The following SDC2 variants were observed in gnomAD, a reference collection of about 807,000 sequenced individuals.
SDC2 encodes the protein syndecan 2.
A neutral mutation model predicts 22.2 loss-of-function variants in SDC2; 13 were observed. The observed-to-expected ratio is 0.59, with a 90% CI of 0.38 to 0.93. The LOEUF (loss-of-function observed/expected upper bound fraction) is 0.93. Ranked by LOEUF, SDC2 falls within the 40% of genes least tolerant of loss-of-function variation. SDC2 has a pLI of 0.00. For synonymous variants in SDC2, 94 were observed against 92.8 expected (o/e 1.01, Z -0.07); for missense variants, 235 against 246.8 (o/e 0.95, Z 0.32).
chr8:96,493,900 G>T lies in SDC2; in HGVS notation c.-372G>T. On this transcript the variant is annotated 5_prime_UTR_variant, in exon 1 of 5. Transcript: ENST00000302190. ...TGCCGTAGCTCCCTTTCAAGCCAGCGAATTTATTCCTTAAAACCAGAAACT... is the reference window on the plus strand; with the variant it reads ...TGCCGTAGCTCCCTTTCAAGCCAGCTAATTTATTCCTTAAAACCAGAAACT... 1 of 229,902 alleles carries T rather than the reference G, an allele frequency of 4.3e-6. No individual in the cohort carries two copies. Among genetic ancestry groups the T allele is most frequent in the Admixed American group, 5.9e-5 (1 of 16,910 alleles). The allele number at this position is 229,902 out of a possible 1,614,324, so 14.2% of individuals were successfully genotyped here.
At chr8:96,592,564 C>T (rs563903376) in intron 1 of SDC2, among the ~76,000 whole-genome samples, 100 of 152,156 alleles carry the variant, frequency 6.6e-4, no homozygotes, top group African/African-American at 2.4e-3. Context: ...TTACTAAAAC[C>T]ATTTTTTAAA....
chr8:96,572,594 T>TA lies in SDC2; in HGVS notation c.61-20878dup, dbSNP rs199532810. Among the ~76,000 whole-genome samples the TA allele has an allele frequency of 4.9e-3, 747 of 151,804 alleles. 5 individuals carry two copies. The highest frequency in any genetic ancestry group is 0.012 in the African/African-American group (490 of 41,478). On this transcript the variant is annotated intron_variant, in intron 1 of 4. Transcript: ENST00000302190. Reference sequence around the variant, plus strand: ...CTAGGTGCTGTGTAAGCTAATTTGTTAAAAAAAACAACAAAGGCCCCATGT... The same window carrying TA: ...CTAGGTGCTGTGTAAGCTAATTTGTTAAAAAAAAACAACAAAGGCCCCATGT...
chr8:96,590,784 A>G (rs1471222870), intron 1 of SDC2, among the ~76,000 whole-genome samples: 3 of 152,120 alleles, frequency 2.0e-5, no homozygotes, highest in Non-Finnish European at 4.4e-5. Flanking sequence ...TCAGAGTGGG[A>G]GAGAACTTTG....
chr8:96,594,138 A>G (rs978420570), intron 2 of SDC2, among the ~76,000 whole-genome samples: 10 of 152,178 alleles, frequency 6.6e-5, no homozygotes, highest in Non-Finnish European at 1.3e-4. Flanking sequence ...TCCTTAGTAT[A>G]TTATTCCTTA....
chr8:96,540,295 C>A (rs1451031417), intron 1 of SDC2, among the ~76,000 whole-genome samples: 1 of 147,586 alleles, frequency 6.8e-6, no homozygotes, highest in Non-Finnish European at 1.5e-5. Context: ...TGTTCAAGAC[C>A]AGCTTGGGCA....
chr8:96,607,891 A>G (rs957093730), intron 3 of SDC2, among the ~76,000 whole-genome samples: 8 of 152,160 alleles, frequency 5.3e-5, no homozygotes, highest in Non-Finnish European at 1.0e-4. Flanking sequence ...AAGCCCAGTC[A>G]GGCGTGAGAG....
intron 1 of SDC2, among the ~76,000 whole-genome samples, chr8:96,540,530 T>C (rs2582836): frequency 0.57 from 82,346 of 144,908 alleles, 25,263 homozygotes; most frequent in Non-Finnish European, 0.7. Flanking sequence ...AAAATCTGTA[T>C]GGTAACTTCA....
chr8:96,583,285 T>G (rs943930665), intron 1 of SDC2, among the ~76,000 whole-genome samples: 1 of 147,128 alleles, frequency 6.8e-6, no homozygotes, highest in Non-Finnish European at 1.5e-5. Context: ...ATATAATATA[T>G]ATATGTAATA....
At chr8:96,523,501 C>T (rs529749748) in intron 1 of SDC2, among the ~76,000 whole-genome samples, 2 of 152,182 alleles carry the variant, frequency 1.3e-5, no homozygotes, top group South Asian at 4.2e-4. Context: ...CTTTCATTCT[C>T]GGCATTCTGG....
chr8:96,575,285 G>T (rs543372681), intron 1 of SDC2, among the ~76,000 whole-genome samples: 2 of 146,704 alleles, frequency 1.4e-5, no homozygotes, highest in African/African-American at 5.0e-5. Flanking sequence ...CACAGGTAAC[G>T]AATGAAAAAA....
chr8:96,521,393 GGGAAAGCTC>G (rs1288629383), intron 1 of SDC2, among the ~76,000 whole-genome samples: 1 of 152,186 alleles, frequency 6.6e-6, no homozygotes, highest in Non-Finnish European at 1.5e-5. Flanking sequence ...GGTGTTAGGA[GGGAAAGCTC>G]GGATCTAGGG....
intron 1 of SDC2, among the ~76,000 whole-genome samples, chr8:96,513,517 T>G (rs564121814): frequency 2.3e-4 from 35 of 152,366 alleles, no homozygotes; most frequent in African/African-American, 8.4e-4. Context: ...ACAGATGTGT[T>G]TAGTATTCAT....
chr8:96,502,190 T>C (rs2130424039), intron 1 of SDC2, among the ~76,000 whole-genome samples: 1 of 152,310 alleles, frequency 6.6e-6, no homozygotes, highest in East Asian at 1.9e-4. Flanking sequence ...ACGTCCTACA[T>C]GGTGGCAGGC....
At chr8:96,510,369 C>G (rs761657543) in intron 1 of SDC2, among the ~76,000 whole-genome samples, 9 of 152,194 alleles carry the variant, frequency 5.9e-5, no homozygotes, top group Admixed American at 1.3e-4. Flanking sequence ...GTGCTTTAGG[C>G]TGTCTTGTGA....
chr8:96,602,516 T>G lies in SDC2; in HGVS notation c.294T>G (p.Pro98=). Residue 98 remains proline, a synonymous_variant, in exon 3 of 5, where the codon CCT becomes CCG. Transcript: ENST00000302190. ...TTTLNIQNKI[P]AQTKSPEETD... ...CGCTGAATATACAGAACAAGATACC[T>G]GCTCAGACAAAGGTGCGTTCTATTT... 1 of 1,614,120 alleles carries G rather than the reference T, an allele frequency of 6.2e-7. No individual in the cohort carries two copies. Among genetic ancestry groups the G allele is most frequent in the Non-Finnish European group, 8.5e-7 (1 of 1,179,974 alleles).
At chr8:96,537,042 G>C (rs1055279685) in intron 1 of SDC2, among the ~76,000 whole-genome samples, 2 of 152,112 alleles carry the variant, frequency 1.3e-5, no homozygotes, top group Non-Finnish European at 2.9e-5. Context: ...AATGATGAAG[G>C]CATGCTCCAT....
At chr8:96,550,596 A>G (rs1814011177) in intron 1 of SDC2, among the ~76,000 whole-genome samples, 1 of 152,128 alleles carries the variant, frequency 6.6e-6, no homozygotes, top group African/African-American at 2.4e-5. Flanking sequence ...CAGCATGTCC[A>G]TTGACTTGAG....
chr8:96,509,049 T>G (rs1176081981), intron 1 of SDC2, among the ~76,000 whole-genome samples: 2 of 142,378 alleles, frequency 1.4e-5, no homozygotes, highest in Non-Finnish European at 3.2e-5. Flanking sequence ...TAATGGCTTC[T>G]CTCTGCAAAC....
At chr8:96,560,607 T>A (rs899049525) in intron 1 of SDC2, among the ~76,000 whole-genome samples, 10 of 152,200 alleles carry the variant, frequency 6.6e-5, no homozygotes, top group Admixed American at 3.3e-4. Flanking sequence ...GTTTGACTTT[T>A]AAGATGGAAG....
Sources: gnomAD v4.1 joint callset for allele counts (sites outside exome capture counted in the v4.1 genomes callset) on GRCh38, gnomAD v4.1.1 for gene constraint, MANE v1.5 for transcripts, NCBI Gene and HGNC (gene_info 2026-07-23, HGNC 2026-07-21) for gene names.